Variants in CFAP52 observed in about 807,000 individuals in gnomAD.
The protein encoded by CFAP52 is cilia and flagella associated protein 52.
CFAP52 carries 57 observed loss-of-function variants against 70.5 expected under a neutral mutation model. That is an observed-to-expected ratio of 0.81 (90% CI 0.65 to 1.01). The LOEUF (loss-of-function observed/expected upper bound fraction) is 1.01. Ranked by LOEUF, CFAP52 falls within the 50% of genes least tolerant of loss-of-function variation. The pLI, the probability that CFAP52 is intolerant of heterozygous loss-of-function variation, is 0.00. For synonymous variants in CFAP52, 267 were observed against 292.5 expected (o/e 0.91, Z 0.89); for missense variants, 785 against 788.5 (o/e 1.00, Z 0.05).
intron 3 of CFAP52, among the ~76,000 whole-genome samples, chr17:9,591,843 A>G (rs1908774507): frequency 6.6e-6 from 1 of 151,956 alleles, no homozygotes; most frequent in Non-Finnish European, 1.5e-5. Context: ...GTGCCACTGC[A>G]CTCCAGCTGG....
intron 4 of CFAP52, among the ~76,000 whole-genome samples, chr17:9,594,963 T>A (rs1214299763): frequency 1.4e-5 from 2 of 145,960 alleles, no homozygotes; most frequent in Non-Finnish European, 3.0e-5. Flanking sequence ...TGATCTCAGC[T>A]CACTGCAACC....
chr17:9,628,893 C>G, intron 9 of CFAP52, 73 bp downstream of exon 9: 1 of 1,595,200 alleles, frequency 6.3e-7, no homozygotes, highest in South Asian at 1.1e-5. Context: ...TCCTCCCATA[C>G]TAGTCTCTAC....
intron 11 of CFAP52, among the ~76,000 whole-genome samples, chr17:9,637,092 CA>C (rs1910844407): frequency 6.6e-6 from 1 of 152,082 alleles, no homozygotes; most frequent in South Asian, 2.1e-4. Flanking sequence ...CCCGACAAAG[CA>C]AGCTTTTGTC....
At chr17:9,603,582 T>A (rs1909367247) in intron 6 of CFAP52, among the ~76,000 whole-genome samples, 1 of 152,234 alleles carries the variant, frequency 6.6e-6, no homozygotes, top group Admixed American at 6.5e-5. Flanking sequence ...TAATTTGAAC[T>A]ATAGATTTAC....
intron 6 of CFAP52, among the ~76,000 whole-genome samples, chr17:9,607,334 A>G (rs571581399): frequency 6.6e-6 from 1 of 152,358 alleles, no homozygotes; most frequent in African/African-American, 2.4e-5. Flanking sequence ...TGACAGAGAG[A>G]GACTCTGCCT....
chr17:9,621,966 G>A (rs574750057), intron 8 of CFAP52, among the ~76,000 whole-genome samples: 1 of 151,234 alleles, frequency 6.6e-6, no homozygotes, highest in African/African-American at 2.4e-5. Flanking sequence ...TAACTAACCT[G>A]CACAATGTGC....
At chr17:9,609,117 A>T (rs1909622169) in intron 7 of CFAP52, among the ~76,000 whole-genome samples, 1 of 152,170 alleles carries the variant, frequency 6.6e-6, no homozygotes, top group South Asian at 2.1e-4. Context: ...GGGTAGTTGC[A>T]CACATGTTGT....
chr17:9,635,310 C>CTTTTCCT, intron 10 of CFAP52, 95 bp from the exon 11 acceptor site: 1 of 1,528,404 alleles, frequency 6.5e-7, no homozygotes, highest in Admixed American at 2.0e-5. Flanking sequence ...AAACACAAAT[C>CTTTTCCT]AAGCATAGCA....
intron 3 of CFAP52, among the ~76,000 whole-genome samples, chr17:9,588,837 C>G (rs1439798390): frequency 6.8e-6 from 1 of 146,536 alleles, no homozygotes; most frequent in African/African-American, 2.5e-5. Flanking sequence ...ATGGCACAAT[C>G]TCGGCTCACT....
In CFAP52 at chr17:9,594,244, A is replaced by G. The variant is rs576470234; in HGVS notation, c.459A>G (p.Ala153=). Residue 153 remains alanine, a synonymous_variant, in exon 4 of 14, where the codon GCA becomes GCG. Coordinates refer to ENST00000352665, the MANE Select transcript of CFAP52 (RefSeq NM_145054.5). Reference sequence around the variant, plus strand: ...GAGATGCCATCTGTGGCAGCCCTGCAGCCGGCCTCAATGTTGGCAATGCCA... The same window carrying G: ...GAGATGCCATCTGTGGCAGCCCTGCGGCCGGCCTCAATGTTGGCAATGCCA... ...AKRDAICGSP[A]AGLNVGNATN... The G allele has an allele frequency of 6.2e-7, 1 of 1,613,904 alleles. No individual in the cohort carries two copies. The highest frequency in any genetic ancestry group is 1.3e-5 in the African/African-American group (1 of 74,950).
At chr17:9,612,272 G>T in intron 7 of CFAP52, 37 bp from the exon 8 acceptor site, 3 of 1,606,042 alleles carry the variant, frequency 1.9e-6, no homozygotes, top group South Asian at 2.2e-5. Context: ...CTTACTGGTT[G>T]AGTGAATCTA....
downstream of CFAP52, chr17:9,645,534 A>G (rs1411429972): frequency 1.3e-5 from 14 of 1,064,788 alleles, no homozygotes; most frequent in Non-Finnish European, 1.6e-5. This position sits in a 1 kb window ranked among gnomAD's most constrained non-coding sequence, Gnocchi z 6.8. Context: ...GCCCGCAGGT[A>G]GCCGGCACCA....
intron 4 of CFAP52, chr17:9,594,524 C>T (rs1259700047): frequency 3.6e-6 from 2 of 563,064 alleles, no homozygotes; most frequent in Non-Finnish European, 2.7e-6. Flanking sequence ...TCTGTGATTG[C>T]TGCTGAAAAG....
downstream of CFAP52, chr17:9,644,739 G>A (rs1911244352): frequency 6.6e-6 from 1 of 152,054 alleles, no homozygotes; most frequent in Non-Finnish European, 1.5e-5. Context: ...AAAACTTCCT[G>A]GTTAGCAAAT....
intron 6 of CFAP52, 96 bp from the exon 7 acceptor site, chr17:9,608,023 T>A: frequency 1.1e-6 from 1 of 880,084 alleles, no homozygotes; most frequent in Non-Finnish European, 1.6e-6. Flanking sequence ...GCCATATGTT[T>A]TTGGGGAACA....
chr17:9,596,706 T>TCG (rs946150496), intron 4 of CFAP52, among the ~76,000 whole-genome samples: 6 of 151,138 alleles, frequency 4.0e-5, no homozygotes, highest in African/African-American at 1.5e-4. Context: ...CTCATGGTTG[T>TCG]TGTGTGTGTG....
chr17:9,602,094 T>C (rs1184536824), intron 6 of CFAP52, among the ~76,000 whole-genome samples: 1 of 152,070 alleles, frequency 6.6e-6, no homozygotes, highest in Non-Finnish European at 1.5e-5. Flanking sequence ...GCTTTTCAAG[T>C]GTGGTTTTTC....
intron 6 of CFAP52, among the ~76,000 whole-genome samples, chr17:9,602,654 T>C (rs1909323385): frequency 6.6e-6 from 1 of 152,194 alleles, no homozygotes. Flanking sequence ...CTGGGTCAAA[T>C]GGTATTTCTG....
chr17:9,595,805 C>T (rs952153354), intron 4 of CFAP52, among the ~76,000 whole-genome samples: 2 of 150,998 alleles, frequency 1.3e-5, no homozygotes, highest in Non-Finnish European at 2.9e-5. Context: ...CCATGTATTC[C>T]ACTATATTGT....
Sources: gnomAD v4.1 joint callset for allele counts (sites outside exome capture counted in the v4.1 genomes callset) on GRCh38, gnomAD v4.1.1 for gene constraint, Gnocchi (gnomAD v3.1) non-coding constraint, MANE v1.5 for transcripts, NCBI Gene and HGNC (gene_info 2026-07-23, HGNC 2026-07-21) for gene names.